The following TTC39B variants were observed in gnomAD, a reference collection of about 807,000 sequenced individuals.
TTC39B encodes the protein tetratricopeptide repeat domain 39B.
Under a neutral mutation model 96.6 loss-of-function variants are expected in TTC39B, and 92 were observed. The ratio of observed to expected loss-of-function variants is 0.95; its 90% CI spans 0.80 to 1.13. The LOEUF (loss-of-function observed/expected upper bound fraction) is 1.13. TTC39B is among the 50% of genes most tolerant of loss of function. TTC39B has a pLI of 0.00. For synonymous variants in TTC39B, 367 were observed against 299.4 expected, an observed-to-expected ratio of 1.23 and a Z score of -2.33; for missense variants, 955 against 809.3, an observed-to-expected ratio of 1.18 and a Z score of -2.18.
intron 18 of TTC39B, among the ~76,000 whole-genome samples, chr9:15,176,394 C>T (rs1324527654): frequency 6.6e-6 from 1 of 152,152 alleles, no homozygotes; most frequent in Non-Finnish European, 1.5e-5. Flanking sequence ...TTACTAATTA[C>T]AGAATATTAC....
chr9:15,295,558 A>G (rs920840315), intron 1 of TTC39B, among the ~76,000 whole-genome samples: 1 of 152,260 alleles, frequency 6.6e-6, no homozygotes, highest in Non-Finnish European at 1.5e-5. Context: ...AGGTAAAAAT[A>G]TATTTCAACA....
intron 8 of TTC39B, among the ~76,000 whole-genome samples, chr9:15,197,062 T>A (rs1201011857): frequency 1.3e-5 from 2 of 152,230 alleles, no homozygotes; most frequent in African/African-American, 4.8e-5. Context: ...GTATGTATAT[T>A]TTTTAGACAT....
chr9:15,192,822 G>C (rs1818935162), intron 8 of TTC39B, 127 bp from the exon 9 acceptor site: 2 of 640,376 alleles, frequency 3.1e-6, no homozygotes, highest in Non-Finnish European at 5.3e-6. Flanking sequence ...AAATTTTAAA[G>C]GATGATGCTG....
intron 3 of TTC39B, among the ~76,000 whole-genome samples, chr9:15,217,828 G>T (rs1820606051): frequency 6.6e-6 from 1 of 152,058 alleles, no homozygotes; most frequent in African/African-American, 2.4e-5. Flanking sequence ...AGAACCTAAA[G>T]TAGCTACCCA....
intron 8 of TTC39B, among the ~76,000 whole-genome samples, chr9:15,195,265 C>T (rs892998546): frequency 2.6e-5 from 4 of 152,118 alleles, no homozygotes; most frequent in Admixed American, 6.5e-5. Flanking sequence ...CAGAACAAGA[C>T]CCTAACTCTT....
In TTC39B at chr9:15,281,819, G is replaced by C. The variant is rs374629734; in HGVS notation, c.241-13871C>G. ...GCTTCCCTGAGTAGCAGGGACTACA[G>C]GCACATGCCATGTAGTCCGGCTAAT... On this transcript the variant is annotated intron_variant, in intron 1 of 19. Coordinates refer to ENST00000512701, the Ensembl canonical transcript of TTC39B. 1.3e-3 allele frequency among the ~76,000 whole-genome samples: 191 copies of C among 152,050 alleles called. 1 individual carries two copies. The highest frequency in any genetic ancestry group is 3.7e-3 in the African/African-American group (152 of 41,446).
At chr9:15,280,340 C>T (rs969538157) in intron 1 of TTC39B, among the ~76,000 whole-genome samples, 1 of 152,198 alleles carries the variant, frequency 6.6e-6, no homozygotes, top group African/African-American at 2.4e-5. Context: ...TACGCTGTCC[C>T]TTTACAGAAA....
chr9:15,269,414 C>T (rs142712231), intron 1 of TTC39B, among the ~76,000 whole-genome samples: 19 of 152,296 alleles, frequency 1.2e-4, no homozygotes, highest in African/African-American at 4.1e-4. Context: ...AGGGACTTAC[C>T]GTATCACACC....
intron 2 of TTC39B, among the ~76,000 whole-genome samples, chr9:15,232,990 T>C (rs528783845): frequency 6.6e-6 from 1 of 152,192 alleles, no homozygotes; most frequent in East Asian, 1.9e-4. Flanking sequence ...AAACACTGCA[T>C]ACACAGAGAG....
exon 6 of TTC39B, chr9:15,210,136 A>G: frequency 6.2e-7 from 1 of 1,606,484 alleles, no homozygotes; most frequent in Non-Finnish European, 8.5e-7. Flanking sequence ...CTTGAGAAAG[A>G]TTCTACAACT....
chr9:15,277,844 G>A (rs779271736), intron 1 of TTC39B, among the ~76,000 whole-genome samples: 6 of 152,216 alleles, frequency 3.9e-5, no homozygotes, highest in Non-Finnish European at 7.3e-5. Flanking sequence ...GGTTTTCAAA[G>A]TTCAAGCCAC....
chr9:15,225,811 T>C (rs1051202583), intron 3 of TTC39B, 106 bp downstream of exon 3: 13 of 1,000,034 alleles, frequency 1.3e-5, no homozygotes, highest in Middle Eastern at 2.3e-4. Flanking sequence ...CCTGACCTCA[T>C]TGGTTTGTCA....
exon 19 of TTC39B, chr9:15,175,100 G>T: frequency 1.9e-6 from 3 of 1,613,486 alleles, no homozygotes; most frequent in Non-Finnish European, 2.5e-6. Flanking sequence ...TAGAGTGAAC[G>T]GCACTAGGTA....
At chr9:15,242,132 A>G (rs1178580806) in intron 2 of TTC39B, among the ~76,000 whole-genome samples, 1 of 152,206 alleles carries the variant, frequency 6.6e-6, no homozygotes, top group Non-Finnish European at 1.5e-5. Flanking sequence ...CACCTAGTAC[A>G]GTGTCTTGCA....
rs538667573 is a variant in TTC39B, at chr9:15,226,541, T to C, written c.276-529A>G. On this transcript the variant is annotated intron_variant, in intron 2 of 19. Coordinates refer to ENST00000512701, the Ensembl canonical transcript of TTC39B. Reference sequence around the variant, plus strand: ...AGGCATGTAGGTTACTCCCAAAGTTTTGGCATTACAAACTACTGTTAATAA... The same window carrying C: ...AGGCATGTAGGTTACTCCCAAAGTTCTGGCATTACAAACTACTGTTAATAA... Among the ~76,000 whole-genome samples the C allele has an allele frequency of 9.2e-5, 14 of 152,354 alleles. No homozygotes were observed. The South Asian group carries it at 2.7e-3, about 29-fold the overall frequency.
intron 1 of TTC39B, among the ~76,000 whole-genome samples, chr9:15,281,626 A>T (rs1174265695): frequency 1.3e-5 from 1 of 76,274 alleles, no homozygotes; most frequent in Non-Finnish European, 2.4e-5. Flanking sequence ...CTGCAACAGC[A>T]AAAAAAAAAA....
At chr9:15,254,569 ATCC>A (rs1353183756) in intron 2 of TTC39B, among the ~76,000 whole-genome samples, 6 of 152,180 alleles carry the variant, frequency 3.9e-5, no homozygotes, top group Non-Finnish European at 8.8e-5. Context: ...CTGAAAAGGT[ATCC>A]TTATACAAGT....
intron 1 of TTC39B, among the ~76,000 whole-genome samples, chr9:15,305,451 G>A (rs1234471655): frequency 6.6e-6 from 1 of 152,074 alleles, no homozygotes; most frequent in Non-Finnish European, 1.5e-5. Context: ...CATCAACTAG[G>A]ACTAGTACAG....
chr9:15,214,333 T>A, intron 3 of TTC39B, 84 bp from the exon 4 acceptor site: 1 of 842,702 alleles, frequency 1.2e-6, no homozygotes, highest in East Asian at 2.6e-5. Context: ...TGTGTGTGTG[T>A]GTGTGTGTGT....
Sources: gnomAD v4.1 joint callset for allele counts (sites outside exome capture counted in the v4.1 genomes callset) on GRCh38, gnomAD v4.1.1 for gene constraint, MANE v1.5 for transcripts, NCBI Gene and HGNC (gene_info 2026-07-23, HGNC 2026-07-21) for gene names.